The following SNTG1 variants were observed in gnomAD, a reference collection of about 807,000 sequenced individuals.
SNTG1 encodes the protein syntrophin gamma 1, also known as gamma-1-syntrophin.
SNTG1 carries 39 observed loss-of-function variants against 74.7 expected under a neutral mutation model. That is an observed-to-expected ratio of 0.52 (90% confidence interval 0.40 to 0.68). The LOEUF is 0.68. SNTG1 is among the 30% of genes least tolerant of loss of function. The pLI, the probability that SNTG1 is intolerant of heterozygous loss-of-function variation, is 0.00. For synonymous variants in SNTG1, 254 were observed against 217.1 expected, an observed-to-expected ratio of 1.17 and a Z score of -1.49; for missense variants, 685 against 609.5, an observed-to-expected ratio of 1.12 and a Z score of -1.30.
At chr8:50,663,210 C>A (rs1375018929) in intron 15 of SNTG1, among the ~76,000 whole-genome samples, 2 of 152,100 alleles carry the variant, frequency 1.3e-5, no homozygotes. Context: ...AAGTTTGTTA[C>A]AGCTGTAGTC....
intron 2 of SNTG1, among the ~76,000 whole-genome samples, chr8:50,186,242 A>G (rs1563712921): frequency 6.6e-6 from 1 of 151,982 alleles, no homozygotes; most frequent in Non-Finnish European, 1.5e-5. Context: ...TCTTTATTCA[A>G]TATATCATTG....
intron 1 of SNTG1, among the ~76,000 whole-genome samples, chr8:50,098,417 T>C (rs914595285): frequency 2.0e-5 from 3 of 152,204 alleles, no homozygotes; most frequent in African/African-American, 7.2e-5. Flanking sequence ...TCCTTGTCAT[T>C]ATTCCCTAAA....
At chr8:50,469,432 T>C (rs2093634290) in intron 8 of SNTG1, among the ~76,000 whole-genome samples, 1 of 152,128 alleles carries the variant, frequency 6.6e-6, no homozygotes. Flanking sequence ...TCTGCCAGCA[T>C]CCTGAAAACC....
chr8:49,938,603 T>TTTTTTTTTTTTCTTTTCTTTC, intron 1 of SNTG1, among the ~76,000 whole-genome samples: 1 of 74,766 alleles, frequency 1.3e-5, no homozygotes, highest in Admixed American at 1.6e-4. Flanking sequence ...TTTTCTTTTC[T>TTTTTTTTTTTTCTTTTCTTTC]TTTCTTTCTT....
At chr8:50,304,456 A>G in intron 2 of SNTG1, among the ~76,000 whole-genome samples, 1 of 152,202 alleles carries the variant, frequency 6.6e-6, no homozygotes, top group East Asian at 1.9e-4. Context: ...TGGATTAACT[A>G]TAATACTGCA....
At chr8:50,215,035 C>T (rs1269392265) in intron 2 of SNTG1, among the ~76,000 whole-genome samples, 1 of 152,108 alleles carries the variant, frequency 6.6e-6, no homozygotes, top group Non-Finnish European at 1.5e-5. Flanking sequence ...AATCAAAATG[C>T]TGTAGACTGA....
At chr8:50,263,372 C>T (rs2087294202) in intron 2 of SNTG1, among the ~76,000 whole-genome samples, 1 of 151,940 alleles carries the variant, frequency 6.6e-6, no homozygotes, top group Non-Finnish European at 1.5e-5. Context: ...AAACGTAAAT[C>T]TAACCATATT....
intron 1 of SNTG1, among the ~76,000 whole-genome samples, chr8:50,130,921 A>G (rs534224838): frequency 1.3e-5 from 2 of 152,234 alleles, no homozygotes; most frequent in Admixed American, 6.6e-5. Flanking sequence ...TGTTCTGTTT[A>G]GAAAGATTAC....
At chr8:50,392,893 A>G (rs972003239) in intron 2 of SNTG1, among the ~76,000 whole-genome samples, 3 of 152,154 alleles carry the variant, frequency 2.0e-5, no homozygotes, top group Non-Finnish European at 4.4e-5. Context: ...TAGATGGTTC[A>G]GTATCCTCAT....
chr8:50,734,780 GATATCTATATATATGGACATA>G (rs2095522213), intron 17 of SNTG1, among the ~76,000 whole-genome samples: 1 of 79,492 alleles, frequency 1.3e-5, no homozygotes, highest in East Asian at 2.9e-4. Flanking sequence ...CATATATATA[GATATCTATATATATGGACATA>G]TATATAGATA....
At chr8:50,560,628 A>G (rs909163907) in intron 12 of SNTG1, among the ~76,000 whole-genome samples, 3 of 152,322 alleles carry the variant, frequency 2.0e-5, no homozygotes, top group African/African-American at 7.2e-5. Context: ...ACAGAAAATC[A>G]GACGCCACGT....
At chr8:50,687,258 A>C (rs1256490226) in intron 15 of SNTG1, among the ~76,000 whole-genome samples, 1 of 152,200 alleles carries the variant, frequency 6.6e-6, no homozygotes, top group Non-Finnish European at 1.5e-5. Flanking sequence ...GAAATAAACA[A>C]ACAAAAAATC....
chr8:50,436,019 C>G (rs556343141), intron 4 of SNTG1, among the ~76,000 whole-genome samples: 3 of 152,248 alleles, frequency 2.0e-5, no homozygotes, highest in Non-Finnish European at 4.4e-5. Flanking sequence ...ATGCATTTAG[C>G]TATTGAGCAG....
intron 10 of SNTG1, among the ~76,000 whole-genome samples, chr8:50,531,327 A>G (rs2094265557): frequency 6.8e-6 from 1 of 147,476 alleles, no homozygotes; most frequent in Non-Finnish European, 1.5e-5. Context: ...CATCTTTGAA[A>G]CTTTTTTTTT....
At chr8:50,733,701 T>C (rs1020890540) in intron 17 of SNTG1, among the ~76,000 whole-genome samples, 1 of 152,070 alleles carries the variant, frequency 6.6e-6, no homozygotes, top group Admixed American at 6.6e-5. Flanking sequence ...CATTTTTTCA[T>C]GTGTTTGTTG....
intron 1 of SNTG1, among the ~76,000 whole-genome samples, chr8:50,126,784 GACAAA>G (rs1428558766): frequency 6.6e-6 from 1 of 151,990 alleles, no homozygotes; most frequent in Non-Finnish European, 1.5e-5. Flanking sequence ...CAGAAAGGCA[GACAAA>G]ACAAAAGAAA....
chr8:50,373,250 C>T lies in SNTG1; in HGVS notation c.-27-20962C>T, dbSNP rs191287023. ...TTTTTGGTTAGTGATTATTAAACTCCCAGATCCTCTTATTTAAGGAATGCA... is the reference window on the plus strand; with the variant it reads ...TTTTTGGTTAGTGATTATTAAACTCTCAGATCCTCTTATTTAAGGAATGCA... On this transcript the variant is annotated intron_variant, in intron 2 of 18. Transcript: ENST00000642720. Among the ~76,000 whole-genome samples, 8 of 152,138 alleles carry T rather than the reference C, an allele frequency of 5.3e-5. No homozygotes were observed. The East Asian group carries it at 1.5e-3, about 29-fold the overall frequency.
intron 2 of SNTG1, among the ~76,000 whole-genome samples, chr8:50,183,378 T>G (rs984833418): frequency 6.6e-6 from 1 of 152,178 alleles, no homozygotes; most frequent in Non-Finnish European, 1.5e-5. Flanking sequence ...CTAAACTGTA[T>G]GATTGCCTGT....
intron 2 of SNTG1, among the ~76,000 whole-genome samples, chr8:50,275,569 C>T (rs2088048443): frequency 1.3e-5 from 2 of 152,156 alleles, no homozygotes; most frequent in African/African-American, 4.8e-5. Flanking sequence ...ACTTAAACCC[C>T]TGTGTAAAAC....
Sources: allele counts gnomAD v4.1 joint callset (sites outside exome capture counted in the v4.1 genomes callset), GRCh38; gene constraint gnomAD v4.1.1; transcripts MANE v1.5; gene names NCBI Gene and HGNC (gene_info 2026-07-23, HGNC 2026-07-21).